Variants in GALNT18 observed in about 807,000 individuals in gnomAD.
GALNT18 encodes the protein polypeptide N-acetylgalactosaminyltransferase 18, also known as GalNAc-transferase 18.
In GALNT18, 44 loss-of-function variants were observed where a neutral mutation model predicts 69.5. That is an observed-to-expected ratio of 0.63 (90% CI 0.50 to 0.81). The LOEUF is 0.81. GALNT18 is among the 40% of genes least tolerant of loss of function. The pLI is 0.00. For synonymous variants in GALNT18, 364 were observed against 318.2 expected (o/e 1.14, Z -1.53); for missense variants, 715 against 810.0 (o/e 0.88, Z 1.42).
Position 11,413,463 on chromosome 11 carries a change from G to A in GALNT18, c.595+19158C>T, listed in dbSNP as rs764583469. The stretch of plus-strand genomic sequence containing the variant: ...ATCCTACGGACGATTCCTTATTCAC[G>A]TTCATTCTTCTCCAGCTCCCTCAGG... On this transcript the variant is annotated intron_variant, in intron 3 of 10. Transcript: ENST00000227756. This position sits in a 1 kb window ranked among gnomAD's most constrained non-coding sequence, Gnocchi z 4.7. 1.1e-4 allele frequency among the ~76,000 whole-genome samples: 16 copies of A among 152,158 alleles called. No individual in the cohort carries two copies. The highest frequency in any genetic ancestry group is 2.2e-4 in the African/African-American group (9 of 41,450).
At chr11:11,291,729 G>A (rs534490024) in intron 10 of GALNT18, among the ~76,000 whole-genome samples, 1 of 152,242 alleles carries the variant, frequency 6.6e-6, no homozygotes, top group South Asian at 2.1e-4. Flanking sequence ...GCTTTCCTGT[G>A]TTCACAAAGC....
rs148345322 is a variant in GALNT18, at chr11:11,419,809, T to G, written c.595+12812A>C. ...AAAATTCTACTTATGCCATAAGCTC[T>G]TGGGACATGAGCTCCTAAAATCAAC... is the stretch of plus-strand genomic sequence containing the variant. On this transcript the variant is annotated intron_variant, in intron 3 of 10. Coordinates refer to ENST00000227756, the MANE Select transcript of GALNT18 (RefSeq NM_198516.3). Among the ~76,000 whole-genome samples, 340 of 152,172 alleles carry G rather than the reference T, an allele frequency of 2.2e-3. 5 individuals are homozygous for G. The Middle Eastern group carries it at 0.037, about 17-fold the overall frequency.
intron 1 of GALNT18, among the ~76,000 whole-genome samples, chr11:11,522,746 T>C (rs1857428377): frequency 6.6e-6 from 1 of 152,138 alleles, no homozygotes; most frequent in African/African-American, 2.4e-5. Context: ...ACAGTCTCAG[T>C]GTGGCGGCTC....
At chr11:11,557,259 A>G (rs2133977183) in intron 1 of GALNT18, among the ~76,000 whole-genome samples, 1 of 152,270 alleles carries the variant, frequency 6.6e-6, no homozygotes, top group African/African-American at 2.4e-5. Context: ...TCATTTTTAA[A>G]TGGTTATGGT....
At position 11,459,588 on chromosome 11, in the gene GALNT18, C is replaced by T. The variant is rs1353716520; in HGVS notation, c.236-10652G>A. ...AGACTGAGGAGCTCTGGAGGCACCT[C>T]TGCCCTGGATTGGCTGTGTGACCCT... On this transcript the variant is annotated intron_variant, in intron 1 of 10. Coordinates refer to ENST00000227756, the MANE Select transcript of GALNT18 (RefSeq NM_198516.3). This position sits in a 1 kb window ranked among gnomAD's most constrained non-coding sequence, Gnocchi z 5.0. Among the ~76,000 whole-genome samples, 1 of 152,182 alleles carries T rather than the reference C, an allele frequency of 6.6e-6. No homozygotes were observed. The highest frequency in any genetic ancestry group is 1.5e-5 in the Non-Finnish European group (1 of 68,006).
rs34166465 is a variant in GALNT18, at chr11:11,293,533, C to CTTTTTTTTTTTTT, written c.1513-353_1513-341dup. Among the ~76,000 whole-genome samples, 7 of 80,190 alleles carry CTTTTTTTTTTTTT rather than the reference C, an allele frequency of 8.7e-5. 1 individual carries two copies. The highest frequency in any genetic ancestry group is 3.3e-4 in the Admixed American group (2 of 6,046). The allele number at this position is 80,190 out of a possible 152,430, so 52.6% of individuals were successfully genotyped here. A position where few individuals can be genotyped will look rare whatever the true frequency, so the allele number is the denominator to read the frequency against. ...TTCTTCACCCAGTTTACAAACCCCTCTTTTTTTTTTTTTTTTTTTTTTTTG... is the reference window on the plus strand; with the variant it reads ...TTCTTCACCCAGTTTACAAACCCCTCTTTTTTTTTTTTTTTTTTTTTTTTTTTTTTTTTTTTTG... On this transcript the variant is annotated intron_variant, in intron 9 of 10. Coordinates refer to ENST00000227756, the MANE Select transcript of GALNT18 (RefSeq NM_198516.3).
intron 3 of GALNT18, among the ~76,000 whole-genome samples, chr11:11,414,105 G>GTA (rs1212153881): frequency 6.6e-6 from 1 of 152,012 alleles, no homozygotes; most frequent in Non-Finnish European, 1.5e-5. Flanking sequence ...GATCTCGGAT[G>GTA]TACCCACTTT....
chr11:11,456,468 G>T (rs1183145812), intron 1 of GALNT18, among the ~76,000 whole-genome samples: 1 of 152,188 alleles, frequency 6.6e-6, no homozygotes, highest in Admixed American at 6.5e-5. Context: ...GCAAACAGCT[G>T]CCGCCTAAAA....
chr11:11,594,914 T>C (rs1859459434), intron 1 of GALNT18, among the ~76,000 whole-genome samples: 2 of 124,720 alleles, frequency 1.6e-5, no homozygotes, highest in African/African-American at 5.5e-5. Context: ...ATACAAAATA[T>C]GCGTGTGTGT....
chr11:11,516,859 C>G (rs1269350508), intron 1 of GALNT18, among the ~76,000 whole-genome samples: 1 of 152,160 alleles, frequency 6.6e-6, no homozygotes, highest in Non-Finnish European at 1.5e-5. Context: ...ACGGCTGACG[C>G]TAGCTGACTG....
At position 11,573,216 on chromosome 11, in the gene GALNT18, T is replaced by C. The variant is rs1247203043; in HGVS notation, c.235+48143A>G. ...CATTATGGTGGGCGGCCTTGACTCA[T>C]ACTTGACATGGATGTCCCAGAGATT... On this transcript the variant is annotated intron_variant, in intron 1 of 10. Transcript: ENST00000227756. This position sits in a 1 kb window ranked among gnomAD's most constrained non-coding sequence, Gnocchi z 4.6. 6.6e-6 allele frequency among the ~76,000 whole-genome samples: 1 copy of C among 152,040 alleles called. No individual in the cohort carries two copies. Among genetic ancestry groups the C allele is most frequent in the Non-Finnish European group, 1.5e-5 (1 of 68,010 alleles).
chr11:11,348,831 T>C (rs1850349348), intron 6 of GALNT18, among the ~76,000 whole-genome samples: 1 of 152,232 alleles, frequency 6.6e-6, no homozygotes, highest in Admixed American at 6.5e-5. Context: ...GCCTTGGCTA[T>C]GCATTCCTAT....
At chr11:11,288,950 AAATAGTGCATAATGTGAAACCAGAAAG>A (rs1301462424) in intron 10 of GALNT18, among the ~76,000 whole-genome samples, 1 of 152,208 alleles carries the variant, frequency 6.6e-6, no homozygotes, top group African/African-American at 2.4e-5. Context: ...TCAGGAGAAT[AAATAGTGCATAATGTGAAACCAGAAAG>A]GAGATTTGAA....
At chr11:11,556,874 G>A (rs1297531561) in intron 1 of GALNT18, among the ~76,000 whole-genome samples, 1 of 152,168 alleles carries the variant, frequency 6.6e-6, no homozygotes, top group Non-Finnish European at 1.5e-5. Context: ...TTTTAAAGGT[G>A]TACAGATCCT....
intron 6 of GALNT18, among the ~76,000 whole-genome samples, chr11:11,369,969 G>A (rs751402796): frequency 1.2e-4 from 18 of 152,100 alleles, no homozygotes; most frequent in Non-Finnish European, 2.2e-4. Flanking sequence ...TGATATATCT[G>A]TCTAGTCCTT....
At position 11,619,259 on chromosome 11, in the gene GALNT18, C is replaced by T. The variant is rs952614677; in HGVS notation, c.235+2100G>A. 1.3e-5 allele frequency among the ~76,000 whole-genome samples: 2 copies of T among 152,240 alleles called. No individual in the cohort carries two copies. The highest frequency in any genetic ancestry group is 3.4e-3 in the Middle Eastern group (1 of 294). ...CTGAATACCCACAGGGGTCATTGCA[C>T]GTGTACAAGTGGAACAACACGTGTT... is the stretch of plus-strand genomic sequence containing the variant. On this transcript the variant is annotated intron_variant, in intron 1 of 10. Transcript: ENST00000227756. The surrounding 1 kb of genome is among the most constrained non-coding windows in gnomAD (Gnocchi z 4.9).
chr11:11,452,374 T>C (rs575065128), intron 1 of GALNT18, among the ~76,000 whole-genome samples: 1 of 152,312 alleles, frequency 6.6e-6, no homozygotes, highest in East Asian at 1.9e-4. Context: ...ATAAATGAGA[T>C]GGTCAGGTAA....
intron 10 of GALNT18, among the ~76,000 whole-genome samples, chr11:11,274,083 T>A (rs139229505): frequency 6.6e-6 from 1 of 152,016 alleles, no homozygotes; most frequent in Non-Finnish European, 1.5e-5. Flanking sequence ...TGCAAGGGGT[T>A]GGGGGATCTC....
intron 10 of GALNT18, among the ~76,000 whole-genome samples, chr11:11,285,503 G>C (rs551664700): frequency 2.7e-4 from 41 of 152,286 alleles, no homozygotes; most frequent in African/African-American, 8.9e-4. Flanking sequence ...CCCGGTCCCT[G>C]ATATCTGTGG....
Sources: gnomAD v4.1 joint callset for allele counts (sites outside exome capture counted in the v4.1 genomes callset) on GRCh38, gnomAD v4.1.1 for gene constraint, Gnocchi (gnomAD v3.1) non-coding constraint, MANE v1.5 for transcripts, NCBI Gene and HGNC (gene_info 2026-07-23, HGNC 2026-07-21) for gene names.